The following DAB1 variants were observed in gnomAD, a reference collection of about 807,000 sequenced individuals.
DAB1 encodes the protein DAB adaptor protein 1.
A neutral mutation model predicts 64.6 loss-of-function variants in DAB1; 15 were observed. That is an observed-to-expected ratio of 0.23 (90% CI 0.16 to 0.36). DAB1 has a LOEUF of 0.36. Ranked by LOEUF, DAB1 falls within the 10% of genes least tolerant of loss-of-function variation. The probability of loss-of-function intolerance (pLI) is 1.00; values close to 1 mark genes in which losing one functional copy is unlikely to be tolerated. For synonymous variants in DAB1, 235 were observed against 251.9 expected, an observed-to-expected ratio of 0.93 and a Z score of 0.64; for missense variants, 596 against 706.7, an observed-to-expected ratio of 0.84 and a Z score of 1.78.
intron 1 of DAB1, among the ~76,000 whole-genome samples, chr1:58,538,175 C>T (rs1054816492): frequency 6.6e-6 from 1 of 152,156 alleles, no homozygotes; most frequent in African/African-American, 2.4e-5. Context: ...CAGTGATTAG[C>T]TTTCTTCCAT....
At chr1:58,123,504 CTCT>C (rs890184649) in intron 5 of DAB1, among the ~76,000 whole-genome samples, 5 of 152,102 alleles carry the variant, frequency 3.3e-5, no homozygotes, top group African/African-American at 7.2e-5. Context: ...TTTGGGAGCT[CTCT>C]TCTTCTTTTA....
At position 57,688,994 on chromosome 1, in the gene DAB1, A is replaced by G. The variant is rs138852448; in HGVS notation, n.552-39329T>C. Among the ~76,000 whole-genome samples, 4 of 152,318 alleles carry G rather than the reference A, an allele frequency of 2.6e-5. No homozygotes were observed. In the East Asian group the frequency reaches 7.7e-4, roughly 29 times the overall value. On this transcript the variant is annotated intron_variant and non_coding_transcript_variant, in intron 6 of 20. Transcript: ENST00000485760. Reference sequence around the variant, plus strand: ...GCTCACTACCTGGGTGATGGGATCCATACCCAAATCTCAGTGTCACACAAT... The same window carrying G: ...GCTCACTACCTGGGTGATGGGATCCGTACCCAAATCTCAGTGTCACACAAT...
At chr1:57,516,506 T>G (rs1247649412) in intron 7 of DAB1, among the ~76,000 whole-genome samples, 2 of 152,210 alleles carry the variant, frequency 1.3e-5, no homozygotes, top group Non-Finnish European at 2.9e-5. Context: ...TGATAGTCAT[T>G]TAATCAGTAG....
intron 3 of DAB1, among the ~76,000 whole-genome samples, chr1:58,353,537 G>A (rs1263257705): frequency 2.0e-5 from 3 of 152,116 alleles, no homozygotes; most frequent in Admixed American, 6.6e-5. Context: ...GTTGTTTATC[G>A]AGTTTAAAAT....
At chr1:57,367,274 C>CA (rs201470787) in intron 1 of DAB1, among the ~76,000 whole-genome samples, 41 of 149,230 alleles carry the variant, frequency 2.7e-4, no homozygotes, top group Admixed American at 6.0e-4. Flanking sequence ...GACCCTGTCT[C>CA]AAAAAAAACA....
At chr1:58,004,357 G>A (rs1309404809) in intron 5 of DAB1, among the ~76,000 whole-genome samples, 1 of 152,166 alleles carries the variant, frequency 6.6e-6, no homozygotes, top group Non-Finnish European at 1.5e-5. Context: ...TTCAAGGCAG[G>A]CCAGGGGTGG....
chr1:58,241,410 T>A (rs1660291016), intron 4 of DAB1, among the ~76,000 whole-genome samples: 1 of 152,120 alleles, frequency 6.6e-6, no homozygotes, highest in Admixed American at 6.6e-5. Context: ...ATTCTGTACC[T>A]AAACCCCTTT....
At chr1:58,196,337 G>A (rs1175115218) in intron 4 of DAB1, among the ~76,000 whole-genome samples, 2 of 152,198 alleles carry the variant, frequency 1.3e-5, no homozygotes, top group African/African-American at 4.8e-5. Context: ...GCAAGATCAA[G>A]AAGGCTTCTG....
At chr1:57,740,943 A>T (rs1213568031) in intron 6 of DAB1, among the ~76,000 whole-genome samples, 1 of 152,136 alleles carries the variant, frequency 6.6e-6, no homozygotes, top group African/African-American at 2.4e-5. Flanking sequence ...TTCATGGAGG[A>T]GGGGACACTT....
chr1:57,602,117 G>C (rs1274751781), intron 7 of DAB1, among the ~76,000 whole-genome samples: 1 of 152,102 alleles, frequency 6.6e-6, no homozygotes, highest in Non-Finnish European at 1.5e-5. Context: ...AAATAGTATT[G>C]TTTCTACTTT....
intron 1 of DAB1, among the ~76,000 whole-genome samples, chr1:57,409,492 G>A (rs1683928141): frequency 6.6e-6 from 1 of 152,178 alleles, no homozygotes. Context: ...GACTGACAGA[G>A]TTTCAATCTG....
chr1:57,425,611 C>T (rs1208053942), upstream of DAB1, among the ~76,000 whole-genome samples: 1 of 152,196 alleles, frequency 6.6e-6, no homozygotes, highest in Non-Finnish European at 1.5e-5. Flanking sequence ...GGCTGTCATG[C>T]ATCACCTGAA....
rs551921382 is a variant in DAB1, at chr1:58,164,992, G to A, written n.310-14404C>T. On this transcript the variant is annotated intron_variant and non_coding_transcript_variant, in intron 4 of 20. Transcript: ENST00000485760. Reference sequence around the variant, plus strand: ...ATTAGGAAATGTCACACAAAAACTTGATTTTCTAACTTTTAAAGGAAGCAT... The same window carrying A: ...ATTAGGAAATGTCACACAAAAACTTAATTTTCTAACTTTTAAAGGAAGCAT... 2.0e-5 allele frequency among the ~76,000 whole-genome samples: 3 copies of A among 152,256 alleles called. No homozygotes were observed. The South Asian group carries it at 6.2e-4, about 32-fold the overall frequency.
Position 57,058,863 on chromosome 1 carries a change from G to A in DAB1, c.723+4021C>T, listed in dbSNP as rs1238705928. ...TATTTCAGGCACTATGCTAGGTGCT[G>A]AAATTGCAAAGCCGCGTGAGATGTG... is the stretch of plus-strand genomic sequence containing the variant. On this transcript the variant is annotated intron_variant, in intron 9 of 14. Transcript: ENST00000371236. Among the ~76,000 whole-genome samples the A allele has an allele frequency of 2.6e-5, 4 of 152,228 alleles. No homozygotes were observed. In the East Asian group the frequency reaches 7.7e-4, roughly 29 times the overall value.
At chr1:58,103,142 C>T (rs1651422565) in intron 5 of DAB1, among the ~76,000 whole-genome samples, 1 of 152,176 alleles carries the variant, frequency 6.6e-6, no homozygotes, top group Non-Finnish European at 1.5e-5. Context: ...CGTGGTAATG[C>T]ACCTCTATTA....
intron 1 of DAB1, among the ~76,000 whole-genome samples, chr1:57,362,680 A>C (rs1194299374): frequency 6.6e-6 from 1 of 152,054 alleles, no homozygotes; most frequent in Non-Finnish European, 1.5e-5. Context: ...TTTAAACTAC[A>C]CAGCAGGCCT....
chr1:57,664,663 C>A (rs4379695), intron 6 of DAB1, among the ~76,000 whole-genome samples: 47,455 of 151,838 alleles, frequency 0.31, 7,813 homozygotes, highest in Non-Finnish European at 0.38. Flanking sequence ...CACCATAAAG[C>A]TATCTATACA....
At chr1:57,574,206 C>T (rs780886850) in intron 7 of DAB1, among the ~76,000 whole-genome samples, 4 of 152,098 alleles carry the variant, frequency 2.6e-5, no homozygotes, top group Non-Finnish European at 5.9e-5. Context: ...ATCAGGTAGT[C>T]GTAGTCCTTT....
At chr1:58,480,724 T>C (rs1435172997) in intron 3 of DAB1, 1 of 322,560 alleles carries the variant, frequency 3.1e-6, no homozygotes, top group African/African-American at 2.2e-5. Context: ...CAGAGTAAAA[T>C]GTGTAATATA....
Sources: allele counts gnomAD v4.1 joint callset (sites outside exome capture counted in the v4.1 genomes callset), GRCh38; gene constraint gnomAD v4.1.1; transcripts MANE v1.5; gene names NCBI Gene and HGNC (gene_info 2026-07-23, HGNC 2026-07-21).